The following ZFAND3 variants were observed in gnomAD, a reference collection of about 807,000 sequenced individuals.
The protein encoded by ZFAND3 is zinc finger AN1-type containing 3.
In ZFAND3, 10 loss-of-function variants were observed where a neutral mutation model predicts 29.6. The ratio of observed to expected loss-of-function variants is 0.34; its 90% CI spans 0.21 to 0.57. ZFAND3 has a LOEUF of 0.57. Ranked by LOEUF, ZFAND3 falls within the 20% of genes least tolerant of loss-of-function variation. The pLI is 0.86. For synonymous variants in ZFAND3, 128 were observed against 112.6 expected (o/e 1.14, Z -0.87); for missense variants, 230 against 304.5 (o/e 0.76, Z 1.82).
At chr6:38,135,301 G>A (rs2127492910) in intron 5 of ZFAND3, among the ~76,000 whole-genome samples, 1 of 152,308 alleles carries the variant, frequency 6.6e-6, no homozygotes, top group East Asian at 1.9e-4. Context: ...TGAAAAAGGT[G>A]GATGTGTTAG....
At chr6:37,878,168 A>G (rs1247245406) in intron 1 of ZFAND3, among the ~76,000 whole-genome samples, 1 of 152,148 alleles carries the variant, frequency 6.6e-6, no homozygotes, top group East Asian at 1.9e-4. Context: ...ATCCAATCCA[A>G]TCCCTATTTG....
chr6:38,041,704 TCCTCCTC>T (rs1763777025), intron 2 of ZFAND3, among the ~76,000 whole-genome samples: 6 of 446 alleles, frequency 0.013, 1 homozygote, highest in African/African-American at 0.016. Context: ...CTTCTCCTCC[TCCTCCTC>T]CTCCTCCTCC....
At chr6:37,875,719 G>A (rs1427128685) in intron 1 of ZFAND3, among the ~76,000 whole-genome samples, 2 of 151,390 alleles carry the variant, frequency 1.3e-5, no homozygotes, top group African/African-American at 4.9e-5. Context: ...AGTGCAGTGG[G>A]GCAATCACAG....
chr6:38,010,618 G>A (rs532655487), intron 2 of ZFAND3, among the ~76,000 whole-genome samples: 5 of 132,846 alleles, frequency 3.8e-5, no homozygotes, highest in South Asian at 2.3e-4. Context: ...TTTTTTTTCC[G>A]AGACAGGATC....
At chr6:38,034,335 T>C (rs755732577) in intron 2 of ZFAND3, among the ~76,000 whole-genome samples, 10 of 152,156 alleles carry the variant, frequency 6.6e-5, no homozygotes, top group Admixed American at 2.0e-4. Flanking sequence ...ATAAAGTCCA[T>C]TGGGGTTGGC....
At chr6:38,014,335 T>A (rs57700857) in intron 2 of ZFAND3, among the ~76,000 whole-genome samples, 9 of 150,414 alleles carry the variant, frequency 6.0e-5, no homozygotes, top group East Asian at 1.9e-4. Context: ...TTATTATTTT[T>A]TTTTTTTTGA....
chr6:38,132,725 C>A (rs191513519), intron 5 of ZFAND3, among the ~76,000 whole-genome samples: 2 of 152,312 alleles, frequency 1.3e-5, no homozygotes, highest in East Asian at 3.9e-4. Flanking sequence ...CCACTGTGTA[C>A]ATCTGCATGG....
At chr6:37,927,834 C>T (rs899262215) in intron 1 of ZFAND3, among the ~76,000 whole-genome samples, 1 of 152,106 alleles carries the variant, frequency 6.6e-6, no homozygotes, top group African/African-American at 2.4e-5. Context: ...GGGCAGAGGC[C>T]GAAGTTTGGC....
chr6:38,132,811 T>C (rs1377965597), intron 5 of ZFAND3, among the ~76,000 whole-genome samples: 1 of 152,116 alleles, frequency 6.6e-6, no homozygotes. Context: ...ACTAGGTGCT[T>C]CCTCTACCCA....
intron 4 of ZFAND3, among the ~76,000 whole-genome samples, chr6:38,083,565 C>T (rs1378907562): frequency 6.6e-6 from 1 of 152,128 alleles, no homozygotes; most frequent in African/African-American, 2.4e-5. Flanking sequence ...CCACTCCAGC[C>T]AGAAGCTTGA....
At chr6:38,040,222 T>C (rs1248768147) in intron 2 of ZFAND3, among the ~76,000 whole-genome samples, 1 of 152,180 alleles carries the variant, frequency 6.6e-6, no homozygotes, top group African/African-American at 2.4e-5. Context: ...TATTCTTGCA[T>C]ACACATCTTT....
chr6:38,014,212 AAAACT>A (rs1300881210), intron 2 of ZFAND3, among the ~76,000 whole-genome samples: 1 of 152,180 alleles, frequency 6.6e-6, no homozygotes, highest in Non-Finnish European at 1.5e-5. Flanking sequence ...GTAAGTTTGT[AAAACT>A]TTTTAAAAGT....
chr6:38,040,341 TTTTC>T (rs1215388503), intron 2 of ZFAND3, among the ~76,000 whole-genome samples: 4 of 152,316 alleles, frequency 2.6e-5, no homozygotes, highest in African/African-American at 4.8e-5. Flanking sequence ...AGCTCAGTAT[TTTTC>T]TTTCTGTGAC....
intron 2 of ZFAND3, among the ~76,000 whole-genome samples, chr6:38,040,031 A>C (rs1163723643): frequency 6.6e-6 from 1 of 152,124 alleles, no homozygotes; most frequent in Non-Finnish European, 1.5e-5. Flanking sequence ...TGGGGAGAGA[A>C]ATGGATTAAA....
At chr6:37,952,833 G>T (rs1284399565) in intron 2 of ZFAND3, among the ~76,000 whole-genome samples, 1 of 151,346 alleles carries the variant, frequency 6.6e-6, no homozygotes, top group African/African-American at 2.4e-5. Flanking sequence ...CAGAGTCTGT[G>T]TCCTCCCTCT....
At position 38,055,673 on chromosome 6, in the gene ZFAND3, T is replaced by G. The variant is rs1365304619; in HGVS notation, c.113-5920T>G. 3.3e-5 allele frequency among the ~76,000 whole-genome samples: 5 copies of G among 152,174 alleles called. No homozygotes were observed. The South Asian group carries it at 1.0e-3, about 31-fold the overall frequency. ...AAGCCTTATTAGTGAGCCCAAGTAGTCCTAATGAGTAAGTTGGAACAAGTG... is the reference window on the plus strand; with the variant it reads ...AAGCCTTATTAGTGAGCCCAAGTAGGCCTAATGAGTAAGTTGGAACAAGTG... On this transcript the variant is annotated intron_variant, in intron 2 of 5. Coordinates refer to ENST00000287218, the MANE Select transcript of ZFAND3 (RefSeq NM_021943.3).
At chr6:38,083,130 ATATT>A (rs1278645985) in intron 4 of ZFAND3, among the ~76,000 whole-genome samples, 1 of 152,154 alleles carries the variant, frequency 6.6e-6, no homozygotes. Context: ...CAAAATAATT[ATATT>A]GTTTTTCTAA....
intron 1 of ZFAND3, among the ~76,000 whole-genome samples, chr6:37,909,812 A>G (rs1317324409): frequency 6.6e-6 from 1 of 152,082 alleles, no homozygotes. Context: ...CATGTCAATA[A>G]TATCAGTAAT....
In ZFAND3 at chr6:38,152,224, C is replaced by T; in HGVS notation, c.530-11C>T. 9 of 1,495,810 alleles carry T rather than the reference C, an allele frequency of 6.0e-6. No homozygotes were observed. Among genetic ancestry groups the T allele is most frequent in the East Asian group, 4.9e-5 (2 of 40,566 alleles). The allele number at this position is 1,495,810 out of a possible 1,614,324, so 92.7% of individuals were successfully genotyped here. A position where few individuals can be genotyped will look rare whatever the true frequency, so the allele number is the denominator to read the frequency against. ...AACACACTCTTTCCTCTGCTTCTCC[C>T]GCTGCTGCAGGTTATGTGTTCTGTA... On this transcript the variant is annotated splice_polypyrimidine_tract_variant and intron_variant, in intron 5 of 5. Coordinates refer to ENST00000287218, the MANE Select transcript of ZFAND3 (RefSeq NM_021943.3).
Sources: gnomAD v4.1 joint callset for allele counts (sites outside exome capture counted in the v4.1 genomes callset) on GRCh38, gnomAD v4.1.1 for gene constraint, MANE v1.5 for transcripts, NCBI Gene and HGNC (gene_info 2026-07-23, HGNC 2026-07-21) for gene names.